Variants in CDH4 observed in about 807,000 individuals in gnomAD.
CDH4 encodes cadherin-4.
Under a neutral mutation model 86.0 loss-of-function variants are expected in CDH4, and 33 were observed. The observed-to-expected ratio is 0.38, with a 90% confidence interval of 0.29 to 0.51. The LOEUF is 0.51. Among genes scored for constraint, CDH4 ranks in the 20% least tolerant of loss-of-function variants. The probability of loss-of-function intolerance (pLI) is 0.86; values close to 1 mark genes in which losing one functional copy is unlikely to be tolerated. For synonymous variants in CDH4, 555 were observed against 549.4 expected (o/e 1.01, Z -0.14); for missense variants, 1,114 against 1,307.4 (o/e 0.85, Z 2.28).
At chr20:61,933,416 C>T (rs531595749) in intron 14 of CDH4, among the ~76,000 whole-genome samples, 2 of 152,334 alleles carry the variant, frequency 1.3e-5, no homozygotes, top group East Asian at 3.9e-4. Context: ...CCGGGTTGGC[C>T]AAGCACACCG....
intron 4 of CDH4, among the ~76,000 whole-genome samples, chr20:61,776,417 C>T (rs2088843556): frequency 6.6e-6 from 1 of 152,188 alleles, no homozygotes; most frequent in African/African-American, 2.4e-5. Context: ...GCTGCAAATT[C>T]CGTGCTCCCA....
chr20:61,588,647 C>T (rs913372009), intron 2 of CDH4, among the ~76,000 whole-genome samples: 3 of 152,136 alleles, frequency 2.0e-5, no homozygotes, highest in Non-Finnish European at 4.4e-5. Flanking sequence ...ACCACACTAG[C>T]CCGCTGCTCA....
chr20:61,527,545 C>T (rs544666971), intron 2 of CDH4, among the ~76,000 whole-genome samples: 3 of 152,314 alleles, frequency 2.0e-5, no homozygotes, highest in African/African-American at 4.8e-5. Flanking sequence ...CCACCGCGTC[C>T]GGCCACTATA....
At chr20:61,749,354 C>G (rs1311564824) in intron 3 of CDH4, among the ~76,000 whole-genome samples, 1 of 152,172 alleles carries the variant, frequency 6.6e-6, no homozygotes, top group African/African-American at 2.4e-5. Flanking sequence ...ACACAATTAA[C>G]AGGTCTGGCT....
intron 2 of CDH4, among the ~76,000 whole-genome samples, chr20:61,734,572 G>C (rs2088237129): frequency 6.6e-6 from 1 of 151,162 alleles, no homozygotes; most frequent in Admixed American, 6.6e-5. Context: ...ATGGTGCAGG[G>C]ATTCAATAAG....
At chr20:61,409,054 C>T (rs1305687615) in intron 2 of CDH4, among the ~76,000 whole-genome samples, 1 of 152,204 alleles carries the variant, frequency 6.6e-6, no homozygotes, top group Non-Finnish European at 1.5e-5. Context: ...AGGCAAAGCA[C>T]CCTGGGCATT....
intron 3 of CDH4, among the ~76,000 whole-genome samples, chr20:61,755,784 C>T (rs757193055): frequency 1.9e-4 from 28 of 151,178 alleles, no homozygotes; most frequent in Admixed American, 5.3e-4. Flanking sequence ...ATACACACCA[C>T]ACACACACAC....
In CDH4 at chr20:61,252,612, G is replaced by C; in HGVS notation, c.57+42G>C. 8.6e-7 allele frequency: 1 copy of C among 1,163,628 alleles called. No individual in the cohort carries two copies. Among genetic ancestry groups the C allele is most frequent in the Non-Finnish European group, 1.1e-6 (1 of 934,330 alleles). The allele number at this position is 1,163,628 out of a possible 1,614,324, so 72.1% of individuals were successfully genotyped here. A position where few individuals can be genotyped will look rare whatever the true frequency, so the allele number is the denominator to read the frequency against. On this transcript the variant is annotated intron_variant, in intron 1 of 15. Transcript: ENST00000614565. The surrounding 1 kb of genome is among the most constrained non-coding windows in gnomAD (Gnocchi z 4.4). ...CGCCCCCGCCGTTCGGAAGCCCCGGGCAGCGGGAGGTCGTCCCCGGATCCC... is the reference window on the plus strand; with the variant it reads ...CGCCCCCGCCGTTCGGAAGCCCCGGCCAGCGGGAGGTCGTCCCCGGATCCC...
chr20:61,430,383 C>T (rs1399222892), intron 2 of CDH4, among the ~76,000 whole-genome samples: 2 of 152,198 alleles, frequency 1.3e-5, no homozygotes, highest in South Asian at 2.1e-4. Context: ...GTGTGCCAGG[C>T]GGCCTTCTGC....
At chr20:61,762,163 G>A (rs991057914) in intron 3 of CDH4, among the ~76,000 whole-genome samples, 3 of 152,166 alleles carry the variant, frequency 2.0e-5, no homozygotes, top group East Asian at 1.9e-4. Context: ...AGACCGTTTC[G>A]TAGGCACTCT....
At position 61,268,324 on chromosome 20, in the gene CDH4, C is replaced by T. The variant is rs558430974; in HGVS notation, c.169+13387C>T. Among the ~76,000 whole-genome samples, 17 of 152,352 alleles carry T rather than the reference C, an allele frequency of 1.1e-4. No homozygotes were observed. The South Asian group carries it at 1.4e-3, about 13-fold the overall frequency. On this transcript the variant is annotated intron_variant, in intron 2 of 15. Transcript: ENST00000614565. Reference sequence around the variant, plus strand: ...GCTTGACCTTGTCCTGCTCATGTCTCGGAGCATCTCAGCCAGAACCAGGAG... The same window carrying T: ...GCTTGACCTTGTCCTGCTCATGTCTTGGAGCATCTCAGCCAGAACCAGGAG...
intron 2 of CDH4, among the ~76,000 whole-genome samples, chr20:61,386,478 A>T (rs2084951193): frequency 6.6e-6 from 1 of 151,308 alleles, no homozygotes; most frequent in Non-Finnish European, 1.5e-5. Flanking sequence ...AAGCCCTGGC[A>T]TGCACTGAAC....
chr20:61,289,263 G>T (rs1274311281), intron 2 of CDH4, among the ~76,000 whole-genome samples: 3 of 152,162 alleles, frequency 2.0e-5, no homozygotes, highest in Non-Finnish European at 2.9e-5. Flanking sequence ...CTGTCAGCAC[G>T]CTCCCTCAGT....
At chr20:61,325,687 G>A (rs1490588155) in intron 2 of CDH4, among the ~76,000 whole-genome samples, 1 of 152,024 alleles carries the variant, frequency 6.6e-6, no homozygotes, top group African/African-American at 2.4e-5. Context: ...CCGACAGGAA[G>A]GGTTGAAAAT....
At chr20:61,802,116 C>T (rs551073901) in intron 4 of CDH4, among the ~76,000 whole-genome samples, 17 of 152,198 alleles carry the variant, frequency 1.1e-4, no homozygotes, top group Non-Finnish European at 2.2e-4. Context: ...CTCTTATAAA[C>T]GAGGATGCCA....
intron 2 of CDH4, among the ~76,000 whole-genome samples, chr20:61,364,360 C>T (rs1039762406): frequency 1.3e-5 from 2 of 152,168 alleles, no homozygotes; most frequent in East Asian, 3.8e-4. Context: ...CAGGGCTATC[C>T]CTGGGGGCTC....
intron 2 of CDH4, among the ~76,000 whole-genome samples, chr20:61,654,510 G>A (rs188887655): frequency 6.0e-4 from 91 of 152,298 alleles, no homozygotes; most frequent in African/African-American, 2.1e-3. Context: ...TATTTACATT[G>A]TATGAGAAGC....
chr20:61,456,299 G>A (rs570389658), intron 2 of CDH4, among the ~76,000 whole-genome samples: 1 of 152,360 alleles, frequency 6.6e-6, no homozygotes, highest in South Asian at 2.1e-4. Flanking sequence ...AACATGGCGG[G>A]TGAAATCTTA....
intron 2 of CDH4, among the ~76,000 whole-genome samples, chr20:61,707,887 T>C (rs111440107): frequency 0.014 from 2,188 of 152,296 alleles, 39 homozygotes; most frequent in African/African-American, 0.049. Flanking sequence ...TGTGTCCTGA[T>C]CTCAGCTCGG....
Sources: allele counts gnomAD v4.1 joint callset (sites outside exome capture counted in the v4.1 genomes callset), GRCh38; gene constraint gnomAD v4.1.1; non-coding constraint Gnocchi (gnomAD v3.1); transcripts MANE v1.5; gene names NCBI Gene and HGNC (gene_info 2026-07-23, HGNC 2026-07-21).